Variants in COL21A1 observed in about 807,000 individuals in gnomAD.
COL21A1 encodes the protein collagen alpha-1(XXI) chain.
COL21A1 carries 149 observed loss-of-function variants against 137.9 expected under a neutral mutation model. The ratio of observed to expected loss-of-function variants is 1.08; its 90% CI spans 0.95 to 1.24. The LOEUF is 1.24. COL21A1 is among the 50% of genes most tolerant of loss of function. The pLI is 0.00. For synonymous variants in COL21A1, 456 were observed against 391.5 expected (o/e 1.16, Z -1.95); for missense variants, 1,167 against 1,158.4 (o/e 1.01, Z -0.11).
chr6:56,290,760 A>T (rs1764023221), intron 1 of COL21A1, among the ~76,000 whole-genome samples: 2 of 152,110 alleles, frequency 1.3e-5, no homozygotes, highest in Admixed American at 1.3e-4. Flanking sequence ...TCAGCCTCCA[A>T]AAGTGCTGGG....
At chr6:56,158,253 CTTTTTTTTTTTTCT>C (rs1775913397) in intron 9 of COL21A1, among the ~76,000 whole-genome samples, 1 of 104,908 alleles carries the variant, frequency 9.5e-6, no homozygotes, top group Non-Finnish European at 1.8e-5. Context: ...TGGGTTTTTT[CTTTTTTTTTTTTCT>C]TTTTTTTTTT....
chr6:56,174,883 T>G (rs1402874422), intron 3 of COL21A1, among the ~76,000 whole-genome samples: 1 of 152,094 alleles, frequency 6.6e-6, no homozygotes, highest in African/African-American at 2.4e-5. Flanking sequence ...ATATCCCTGA[T>G]GAATATAGAT....
At chr6:56,228,074 G>T (rs1315831816) in intron 1 of COL21A1, among the ~76,000 whole-genome samples, 2 of 151,968 alleles carry the variant, frequency 1.3e-5, no homozygotes, top group Non-Finnish European at 2.9e-5. Flanking sequence ...GGGGTGAGGG[G>T]TGAAGGAAAT....
At chr6:56,229,234 T>C (rs1406535989) in intron 1 of COL21A1, among the ~76,000 whole-genome samples, 1 of 151,708 alleles carries the variant, frequency 6.6e-6, no homozygotes. Context: ...AAATTTTTTT[T>C]AATTAGCTGA....
intron 1 of COL21A1, among the ~76,000 whole-genome samples, chr6:56,265,502 G>A (rs1484823649): frequency 2.0e-5 from 3 of 152,186 alleles, no homozygotes; most frequent in African/African-American, 7.2e-5. Context: ...TTCAAGGGCA[G>A]ACAATGATAC....
At chr6:56,230,559 A>G (rs757184418) in intron 1 of COL21A1, among the ~76,000 whole-genome samples, 1 of 151,782 alleles carries the variant, frequency 6.6e-6, no homozygotes, top group Non-Finnish European at 1.5e-5. Context: ...TTTAGTTTGT[A>G]TTGTTATTAA....
chr6:56,088,556 T>C (rs1385852063), intron 17 of COL21A1, among the ~76,000 whole-genome samples: 1 of 152,172 alleles, frequency 6.6e-6, no homozygotes, highest in African/African-American at 2.4e-5. Context: ...TTCTTTTTTT[T>C]ACAATGGTCC....
intron 16 of COL21A1, among the ~76,000 whole-genome samples, chr6:56,112,787 C>T (rs1273934808): frequency 1.3e-5 from 2 of 151,412 alleles, no homozygotes; most frequent in Admixed American, 6.6e-5. Context: ...CAGGTTCAAC[C>T]GATTCTCCTG....
intron 22 of COL21A1, among the ~76,000 whole-genome samples, chr6:56,067,813 C>A (rs1485836571): frequency 6.6e-6 from 1 of 151,492 alleles, no homozygotes; most frequent in African/African-American, 2.4e-5. Flanking sequence ...AATTATATTC[C>A]ATAAAAATAA....
At chr6:56,176,418 G>A (rs1480938363) in intron 3 of COL21A1, among the ~76,000 whole-genome samples, 7 of 100,758 alleles carry the variant, frequency 6.9e-5, no homozygotes, top group Admixed American at 4.5e-4. Flanking sequence ...CTCTAACTCA[G>A]CAACAAAAAA....
At chr6:56,312,548 G>C (rs1231841399) in intron 1 of COL21A1, among the ~76,000 whole-genome samples, 1 of 152,134 alleles carries the variant, frequency 6.6e-6, no homozygotes, top group Non-Finnish European at 1.5e-5. Flanking sequence ...ATATCTCTCA[G>C]ATGGTCAGAT....
chr6:56,061,142 A>T, intron 25 of COL21A1, 105 bp from the exon 26 acceptor site: 1 of 898,486 alleles, frequency 1.1e-6, no homozygotes, highest in Non-Finnish European at 1.6e-6. Context: ...TACATATGTA[A>T]ATATGTAAGG....
At chr6:56,146,410 A>C (rs1449008372) in intron 10 of COL21A1, among the ~76,000 whole-genome samples, 12 of 152,238 alleles carry the variant, frequency 7.9e-5, no homozygotes, top group Non-Finnish European at 1.5e-5. Context: ...AAAATTAATA[A>C]ATCTCTGTCA....
At chr6:56,092,276 A>T (rs12213291) in intron 17 of COL21A1, among the ~76,000 whole-genome samples, 23,096 of 152,150 alleles carry the variant, frequency 0.15, 1,784 homozygotes, top group Middle Eastern at 0.22. Context: ...ATAACAGACA[A>T]CAAAAACCCA....
At chr6:56,369,245 A>C (rs1766169737) in intron 1 of COL21A1, among the ~76,000 whole-genome samples, 1 of 152,052 alleles carries the variant, frequency 6.6e-6, no homozygotes, top group Non-Finnish European at 1.5e-5. Context: ...CCTAGAAGAT[A>C]ATGAAGGCAT....
chr6:56,104,453 T>A (rs2152173978), intron 16 of COL21A1, among the ~76,000 whole-genome samples: 1 of 152,298 alleles, frequency 6.6e-6, no homozygotes, highest in East Asian at 1.9e-4. Flanking sequence ...GAAAGGATAA[T>A]TTCTACTTGG....
chr6:56,350,897 A>T (rs1765698432), intron 1 of COL21A1, among the ~76,000 whole-genome samples: 1 of 152,238 alleles, frequency 6.6e-6, no homozygotes, highest in African/African-American at 2.4e-5. Flanking sequence ...TGTCATGACA[A>T]ATAAAGACAC....
intron 1 of COL21A1, among the ~76,000 whole-genome samples, chr6:56,262,895 A>G (rs1253489998): frequency 6.6e-6 from 1 of 152,242 alleles, no homozygotes; most frequent in Non-Finnish European, 1.5e-5. Context: ...AGGTGAGGAC[A>G]CAGACCTGGT....
chr6:56,148,369 A>AGAGAGAGAGAGAGAG (rs67984339), intron 10 of COL21A1, among the ~76,000 whole-genome samples: 22 of 145,288 alleles, frequency 1.5e-4, no homozygotes, highest in East Asian at 3.9e-4. Flanking sequence ...AGAGAGAGAG[A>AGAGAGAGAGAGAGAG]AACACATAAA....
Sources: gnomAD v4.1 joint callset for allele counts (sites outside exome capture counted in the v4.1 genomes callset) on GRCh38, gnomAD v4.1.1 for gene constraint, MANE v1.5 for transcripts, NCBI Gene and HGNC (gene_info 2026-07-23, HGNC 2026-07-21) for gene names.